The following TMEM178B variants were observed in gnomAD, a reference collection of about 807,000 sequenced individuals.
The protein encoded by TMEM178B is transmembrane protein 178B.
A neutral mutation model predicts 31.0 loss-of-function variants in TMEM178B; 5 were observed. The ratio of observed to expected loss-of-function variants is 0.16; its 90% CI spans 0.08 to 0.34. The LOEUF (loss-of-function observed/expected upper bound fraction) is 0.34. Among genes scored for constraint, TMEM178B ranks in the 10% least tolerant of loss-of-function variants. The pLI, the probability that TMEM178B is intolerant of heterozygous loss-of-function variation, is 1.00. For missense variants in TMEM178B, 275 were observed against 400.3 expected (o/e 0.69, Z 2.67); for synonymous variants, 164 against 164.0 (o/e 1.00, Z 0.00).
chr7:141,250,494 A>G (rs939064144), intron 2 of TMEM178B, among the ~76,000 whole-genome samples: 1 of 152,194 alleles, frequency 6.6e-6, no homozygotes, highest in African/African-American at 2.4e-5. Context: ...AGAAGGAAAT[A>G]TATTGCTAAG....
chr7:141,177,835 CTT>C (rs1796458753), intron 1 of TMEM178B, among the ~76,000 whole-genome samples: 1 of 152,118 alleles, frequency 6.6e-6, no homozygotes, highest in African/African-American at 2.4e-5. Context: ...CTATATGTGT[CTT>C]TGCACATGAG....
chr7:141,339,115 G>A (rs1432418127), intron 2 of TMEM178B, among the ~76,000 whole-genome samples: 1 of 152,166 alleles, frequency 6.6e-6, no homozygotes, highest in Non-Finnish European at 1.5e-5. Context: ...CCCTCAAGCG[G>A]GGTAATTTCT....
At chr7:141,101,549 C>T (rs1190087071) in intron 1 of TMEM178B, among the ~76,000 whole-genome samples, 1 of 152,214 alleles carries the variant, frequency 6.6e-6, no homozygotes, top group South Asian at 2.1e-4. Context: ...TTGGAAGCTG[C>T]CATAATGGTA....
chr7:141,160,356 C>G (rs1285913238), intron 1 of TMEM178B, among the ~76,000 whole-genome samples: 1 of 152,190 alleles, frequency 6.6e-6, no homozygotes, highest in East Asian at 1.9e-4. Context: ...AGCTTCACTT[C>G]TCCTTGAAGG....
At chr7:141,485,791 A>T in the TMEM178B span, among the ~76,000 whole-genome samples, 4 of 152,212 alleles carry the variant, frequency 2.6e-5, no homozygotes, top group Non-Finnish European at 5.9e-5. Context: ...TCAGGGTGTG[A>T]TGCCACTGAT....
At position 141,093,277 on chromosome 7, in the gene TMEM178B, C is replaced by T. The variant is rs562419686; in HGVS notation, c.382+18585C>T. On this transcript the variant is annotated intron_variant, in intron 1 of 3. Coordinates refer to ENST00000565468, the MANE Select transcript of TMEM178B (RefSeq NM_001195278.2). ...TTGAATGGAAAGTTATCAGGATTGG[C>T]GGAGGGATCAGATGCAGGGCAGATG... Among the ~76,000 whole-genome samples the T allele has an allele frequency of 1.4e-4, 21 of 152,086 alleles. No individual in the cohort carries two copies. The South Asian group carries it at 1.5e-3, about 11-fold the overall frequency.
intron 2 of TMEM178B, among the ~76,000 whole-genome samples, chr7:141,338,296 G>A (rs778340762): frequency 4.8e-4 from 73 of 152,108 alleles, no homozygotes; most frequent in African/African-American, 1.2e-3. Context: ...TATAATCAGC[G>A]GAGAAATGCT....
At chr7:141,458,854 G>T (rs1309983004) in intron 3 of TMEM178B, among the ~76,000 whole-genome samples, 2 of 152,148 alleles carry the variant, frequency 1.3e-5, no homozygotes, top group Non-Finnish European at 2.9e-5. Flanking sequence ...ACGTGCATGG[G>T]TGCATGCACC....
chr7:141,230,298 A>G (rs1797420960), intron 2 of TMEM178B, among the ~76,000 whole-genome samples: 1 of 152,238 alleles, frequency 6.6e-6, no homozygotes, highest in African/African-American at 2.4e-5. Flanking sequence ...ATTGCTTTCC[A>G]GAAAAACTGA....
At chr7:141,254,790 T>C (rs1162538728) in intron 2 of TMEM178B, among the ~76,000 whole-genome samples, 8 of 152,232 alleles carry the variant, frequency 5.3e-5, no homozygotes, top group Non-Finnish European at 1.0e-4. Flanking sequence ...TTTTGAGTCA[T>C]GTAGTGATTT....
At chr7:141,252,835 C>G (rs1797858297) in intron 2 of TMEM178B, among the ~76,000 whole-genome samples, 1 of 152,194 alleles carries the variant, frequency 6.6e-6, no homozygotes, top group Non-Finnish European at 1.5e-5. Context: ...CACCAGGTGT[C>G]CTGGGTCTCA....
chr7:141,105,863 G>A (rs994786124), intron 1 of TMEM178B, among the ~76,000 whole-genome samples: 1 of 152,062 alleles, frequency 6.6e-6, no homozygotes, highest in Non-Finnish European at 1.5e-5. Flanking sequence ...GGGAGGCCAA[G>A]GTGGGTGGAT....
chr7:141,396,468 A>G (rs955909143), intron 2 of TMEM178B, among the ~76,000 whole-genome samples: 2 of 152,146 alleles, frequency 1.3e-5, no homozygotes, highest in African/African-American at 4.8e-5. Flanking sequence ...AAGGTCTTTG[A>G]GAGCCAGAAT....
At position 141,473,647 on chromosome 7, in the gene TMEM178B, T is replaced by C. The variant is rs368485217; in HGVS notation, c.*2861T>C. On this transcript the variant is annotated 3_prime_UTR_variant, in exon 4 of 4. Coordinates refer to ENST00000565468, the MANE Select transcript of TMEM178B (RefSeq NM_001195278.2). ...TGTTAGAAAGCTCCCAGGAAAGACG[T>C]AAACAACCTGGGCTCAACTCACCAG... The C allele has an allele frequency of 1.7e-4, 26 of 152,180 alleles. No homozygotes were observed. The highest frequency in any genetic ancestry group is 5.8e-4 in the African/African-American group (24 of 41,430). 9.4% of individuals were successfully genotyped at this position (152,180 alleles called of 1,614,324 possible). A position where few individuals can be genotyped will look rare whatever the true frequency, so the allele number is the denominator to read the frequency against.
At chr7:141,508,493 G>A in the TMEM178B span, among the ~76,000 whole-genome samples, 9 of 152,038 alleles carry the variant, frequency 5.9e-5, no homozygotes, top group African/African-American at 1.9e-4. Flanking sequence ...CCACATTTTC[G>A]GGTATCTTTT....
At chr7:141,249,878 T>G (rs1797801159) in intron 2 of TMEM178B, among the ~76,000 whole-genome samples, 1 of 152,248 alleles carries the variant, frequency 6.6e-6, no homozygotes, top group Admixed American at 6.5e-5. Flanking sequence ...TTCCTTTATC[T>G]AATATCATTC....
intron 1 of TMEM178B, among the ~76,000 whole-genome samples, chr7:141,203,091 T>A (rs944300581): frequency 6.6e-6 from 1 of 152,252 alleles, no homozygotes; most frequent in Non-Finnish European, 1.5e-5. Context: ...ATGCATCTGA[T>A]AAATGGCCTT....
chr7:141,198,644 C>T (rs1423843691), intron 1 of TMEM178B, among the ~76,000 whole-genome samples: 1 of 152,202 alleles, frequency 6.6e-6, no homozygotes, highest in Non-Finnish European at 1.5e-5. Context: ...TCCTTCATCG[C>T]CCCTGCCTGC....
the TMEM178B span, among the ~76,000 whole-genome samples, chr7:141,489,350 C>T: frequency 6.6e-6 from 1 of 152,152 alleles, no homozygotes. Flanking sequence ...ATTTTGCCCC[C>T]CTTTGTCCCT....
Sources: allele counts gnomAD v4.1 joint callset (sites outside exome capture counted in the v4.1 genomes callset), GRCh38; gene constraint gnomAD v4.1.1; transcripts MANE v1.5; gene names NCBI Gene and HGNC (gene_info 2026-07-23, HGNC 2026-07-21).